Variants in ZNF133 observed in about 807,000 individuals in gnomAD.
The protein encoded by ZNF133 is zinc finger protein 133 (clone pHZ-13).
ZNF133 carries 26 observed loss-of-function variants against 54.9 expected under a neutral mutation model. That is an observed-to-expected ratio of 0.47 (90% CI 0.35 to 0.66). The LOEUF (loss-of-function observed/expected upper bound fraction) is 0.66. ZNF133 is among the 30% of genes least tolerant of loss of function. The pLI, the probability that ZNF133 is intolerant of heterozygous loss-of-function variation, is 0.01. For missense variants in ZNF133, 653 were observed against 820.8 expected, an observed-to-expected ratio of 0.80 and a Z score of 2.50; for synonymous variants, 298 against 320.3, an observed-to-expected ratio of 0.93 and a Z score of 0.74.
chr20:18,300,208 T>C (rs553267460), intron 3 of ZNF133, among the ~76,000 whole-genome samples: 1 of 152,342 alleles, frequency 6.6e-6, no homozygotes, highest in South Asian at 2.1e-4. Context: ...GAGATGGAGC[T>C]GTATAGGAAC....
intron 1 of ZNF133, among the ~76,000 whole-genome samples, chr20:18,291,559 A>G (rs1343590036): frequency 6.6e-6 from 1 of 150,908 alleles, no homozygotes; most frequent in Non-Finnish European, 1.5e-5. Flanking sequence ...CAGTTCTTAG[A>G]CCTCCTGTCT....
intron 1 of ZNF133, among the ~76,000 whole-genome samples, chr20:18,291,207 C>G (rs1600314654): frequency 1.3e-5 from 2 of 152,316 alleles, no homozygotes; most frequent in East Asian, 3.9e-4. Context: ...TGTCTTTCCT[C>G]CCATTTAGAG....
rs2047359911 is a variant in ZNF133, at chr20:18,315,967, C to T, written c.1116C>T (p.His372=). ...GCGACAGGTCAAACCTCATCTCCCA[C>T]CAGAGGACGCACTCTGGGGAGAAGC... ...GFSDRSNLIS[H]QRTHSGEKPY... Residue 372 remains histidine, a synonymous_variant, in exon 7 of 7, where the codon CAC becomes CAT. Transcript: ENST00000425686. 13 of 1,614,118 alleles carry T rather than the reference C, an allele frequency of 8.1e-6. No homozygotes were observed. Among genetic ancestry groups the T allele is most frequent in the East Asian group, 4.5e-5 (2 of 44,856 alleles).
rs963356125 is a variant in ZNF133, at chr20:18,314,882, G to A, written c.218-187G>A. The A allele has an allele frequency of 7.4e-6, 4 of 539,466 alleles. No individual in the cohort carries two copies. The African/African-American group carries it at 7.6e-5, about 10-fold the overall frequency. 33.4% of individuals were successfully genotyped at this position (539,466 alleles called of 1,614,324 possible). ...ATATGTAGAGCAGGTCTTAACAAGT[G>A]GGTTTTCTAGATTGTAATGCTAGAC... On this transcript the variant is annotated intron_variant, in intron 6 of 6. Coordinates refer to ENST00000425686, the MANE Select transcript of ZNF133 (RefSeq NM_001352452.2).
At chr20:18,308,252 T>C (rs1301373442) in intron 6 of ZNF133, among the ~76,000 whole-genome samples, 1 of 152,218 alleles carries the variant, frequency 6.6e-6, no homozygotes, top group African/African-American at 2.4e-5. Flanking sequence ...CACAGAAGTA[T>C]ATATTTTCTT....
At chr20:18,304,827 G>C (rs954281915) in intron 3 of ZNF133, among the ~76,000 whole-genome samples, 181 bp from the exon 4 acceptor site, 1 of 151,966 alleles carries the variant, frequency 6.6e-6, no homozygotes, top group African/African-American at 2.4e-5. Flanking sequence ...ATTCCTCCTA[G>C]GGGGCCCTCC....
intron 1 of ZNF133, among the ~76,000 whole-genome samples, chr20:18,291,614 G>C (rs570920208): frequency 3.7e-4 from 56 of 151,984 alleles, no homozygotes; most frequent in African/African-American, 1.3e-3. Flanking sequence ...CATTCTCAAG[G>C]CTTTAAATGC....
At chr20:18,291,744 G>T (rs371780808) in intron 1 of ZNF133, among the ~76,000 whole-genome samples, 1 of 145,676 alleles carries the variant, frequency 6.9e-6, no homozygotes, top group Non-Finnish European at 1.5e-5. Context: ...CAGGAGTCTC[G>T]CTCTATCGCC....
rs1346705109 is a variant in ZNF133 at position 18,315,457 on chromosome 20, G to A, written c.606G>A (p.Leu202=). The A allele has an allele frequency of 2.5e-6, 4 of 1,614,094 alleles. No individual in the cohort carries two copies. The African/African-American group carries it at 4.0e-5, about 16-fold the overall frequency. The change falls in exon 7 of 7, where the codon TTG becomes TTA. Residue 202 remains leucine (L), a synonymous_variant. Transcript: ENST00000425686. ...GGAACCCTGAGGAAACAGACAAATT[G>A]TTGAAGAGGATAGAAGTCTTAGGAT... ...QSGNPEETDK[L]LKRIEVLGFG...
At chr20:18,300,650 C>T (rs1219359311) in intron 3 of ZNF133, among the ~76,000 whole-genome samples, 1 of 151,682 alleles carries the variant, frequency 6.6e-6, no homozygotes, top group East Asian at 1.9e-4. Flanking sequence ...AAATAGAAAC[C>T]AAAGAAAGTA....
At chr20:18,309,474 G>A (rs748002807) in intron 6 of ZNF133, among the ~76,000 whole-genome samples, 3 of 152,316 alleles carry the variant, frequency 2.0e-5, no homozygotes, top group Admixed American at 1.3e-4. Context: ...TGGTGCTTGA[G>A]CAAAGTGAGT....
At chr20:18,310,849 A>G (rs55767418) in intron 6 of ZNF133, among the ~76,000 whole-genome samples, 52,255 of 152,080 alleles carry the variant, frequency 0.34, 10,756 homozygotes, top group African/African-American at 0.57. Context: ...ATATATTTCA[A>G]AATGTACACA....
At chr20:18,293,793 T>C (rs567293072) in intron 1 of ZNF133, among the ~76,000 whole-genome samples, 1 of 152,194 alleles carries the variant, frequency 6.6e-6, no homozygotes, top group Admixed American at 6.5e-5. Flanking sequence ...TAAACAGTGA[T>C]ACTATTGTAT....
At chr20:18,297,836 C>T in intron 1 of ZNF133, 149 bp from the exon 2 acceptor site, 1 of 565,734 alleles carries the variant, frequency 1.8e-6, no homozygotes. Flanking sequence ...TTTTCCTTTG[C>T]TGTTTCCAAG....
chr20:18,310,044 T>C (rs1368256983), intron 6 of ZNF133: 42 of 983,342 alleles, frequency 4.3e-5, no homozygotes, highest in Non-Finnish European at 5.3e-5. Flanking sequence ...AATATGTGTT[T>C]TCTCAACCTG....
rs746613385 is a variant in ZNF133 at position 18,316,492 on chromosome 20, G to A, written c.1641G>A (p.Glu547=). 6.2e-7 allele frequency: 1 copy of A among 1,614,234 alleles called. No individual in the cohort carries two copies. ...LIRHKRKHSR[E]KPYMCRQCGL... ...GGCACAAGCGGAAGCACTCGAGGGA[G>A]AAGCCCTACATGTGCAGGCAGTGTG... Residue 547 remains glutamate (E), a synonymous_variant, in exon 7 of 7, where the codon GAG becomes GAA. Transcript: ENST00000425686.
chr20:18,316,904 G>A lies in ZNF133; in HGVS notation c.*88G>A. Reference sequence around the variant, plus strand: ...GAAATGCATTCTGTAAGTGGTCAAAGGACATTTGACTGTTTACTTTCTCCA... The same window carrying A: ...GAAATGCATTCTGTAAGTGGTCAAAAGACATTTGACTGTTTACTTTCTCCA... On this transcript the variant is annotated 3_prime_UTR_variant, in exon 7 of 7. Coordinates refer to ENST00000425686, the MANE Select transcript of ZNF133 (RefSeq NM_001352452.2). 7.0e-7 allele frequency: 1 copy of A among 1,438,468 alleles called. No individual in the cohort carries two copies. The highest frequency in any genetic ancestry group is 1.8e-4 in the Middle Eastern group (1 of 5,428). The allele number at this position is 1,438,468 out of a possible 1,614,324, so 89.1% of individuals were successfully genotyped here. A position where few individuals can be genotyped will look rare whatever the true frequency, so the allele number is the denominator to read the frequency against.
In ZNF133 at chr20:18,316,247, A is replaced by G. The variant is rs1736706992; in HGVS notation, c.1396A>G (p.Ile466Val). Residue 466 changes from isoleucine (I) to valine (V), a missense_variant, in exon 7 of 7, where the codon ATT becomes GTT. Physicochemically the swap from Ile to Val is conservative, Grantham distance 29 (BLOSUM62 3). Transcript: ENST00000425686. Reference protein sequence around the residue: ...HQNIHSGEKPIVCKDCGRGFS... With the variant: ...HQNIHSGEKPVVCKDCGRGFS... The stretch of plus-strand genomic sequence containing the variant: ...GAACATACACTCAGGAGAGAAGCCC[A>G]TTGTGTGCAAGGACTGTGGCCGGGG... 3.1e-6 allele frequency: 5 copies of G among 1,607,840 alleles called. No individual in the cohort carries two copies. The highest frequency in any genetic ancestry group is 2.7e-5 in the African/African-American group (2 of 74,012).
chr20:18,316,283 C>T lies in ZNF133; in HGVS notation c.1432C>T (p.Gln478Ter), dbSNP rs765499880. 7 of 1,601,724 alleles carry T rather than the reference C, an allele frequency of 4.4e-6. No individual in the cohort carries two copies. Among genetic ancestry groups the T allele is most frequent in the Non-Finnish European group, 5.1e-6 (6 of 1,175,838 alleles). ...GGACTGTGGCCGGGGCTTCAGCCAG[C>T]AATCCAACCTCATCAGACACCAGAG... is the stretch of plus-strand genomic sequence containing the variant. ...CKDCGRGFSQQSNLIRHQRTH... is the reference protein window; with the variant it reads ...CKDCGRGFSQ Residue 478 changes from glutamine (Q) to a stop codon, truncating the protein, a stop_gained, in exon 7 of 7, where the codon CAA (glutamine) becomes TAA (stop). Coordinates refer to ENST00000425686, the MANE Select transcript of ZNF133 (RefSeq NM_001352452.2). LOFTEE classifies it high-confidence loss of function.
Sources: allele counts gnomAD v4.1 joint callset (sites outside exome capture counted in the v4.1 genomes callset), GRCh38; gene constraint gnomAD v4.1.1; transcripts MANE v1.5; gene names NCBI Gene and HGNC (gene_info 2026-07-23, HGNC 2026-07-21).